Variants in KLF8 observed in about 807,000 individuals in gnomAD.
KLF8 encodes the protein Krueppel-like factor 8.
Under a neutral mutation model 18.2 loss-of-function variants are expected in KLF8, and 10 were observed. The observed-to-expected ratio is 0.55, with a 90% CI of 0.34 to 0.93. The LOEUF is 0.93. KLF8 is among the 40% of genes least tolerant of loss of function. The pLI is 0.02. For missense variants in KLF8, 264 were observed against 277.9 expected (o/e 0.95, Z 0.36); for synonymous variants, 109 against 97.3 (o/e 1.12, Z -0.71).
At chrX:56,141,833 G>T in the KLF8 span, among the ~76,000 whole-genome samples, 1 of 111,693 alleles carries the variant, frequency 9.0e-6, no homozygotes, top group Admixed American at 9.5e-5. Context: ...ATGACCAAAG[G>T]TCTCACTTGA....
intron 5 of KLF8, among the ~76,000 whole-genome samples, chrX:56,280,521 G>A (rs1485340428): frequency 1.8e-5 from 2 of 112,326 alleles, no homozygotes; most frequent in Non-Finnish European, 3.8e-5. Context: ...ATAGGCATGA[G>A]CCATTAATAT....
At chrX:56,136,319 A>G in the KLF8 span, among the ~76,000 whole-genome samples, 2 of 111,928 alleles carry the variant, frequency 1.8e-5, no homozygotes, top group East Asian at 5.6e-4. Context: ...CAAAAGAACA[A>G]AACTGGAGGC....
At chrX:55,929,578 C>G in the KLF8 span, among the ~76,000 whole-genome samples, 3 of 112,130 alleles carry the variant, frequency 2.7e-5, no homozygotes, top group African/African-American at 9.7e-5. Flanking sequence ...TTTCAGTTTT[C>G]TGAATATGGC....
chrX:56,245,329 T>G (rs2066608601), intron 1 of KLF8, among the ~76,000 whole-genome samples: 1 of 111,979 alleles, frequency 8.9e-6, no homozygotes, highest in Non-Finnish European at 1.9e-5. Flanking sequence ...TGTTTTCTTC[T>G]TAGCCAGCAC....
chrX:56,186,380 T>C, the KLF8 span, among the ~76,000 whole-genome samples: 1 of 111,635 alleles, frequency 9.0e-6, no homozygotes, highest in Non-Finnish European at 1.9e-5. Flanking sequence ...ATAAAGCAAG[T>C]CCTGAGTGAC....
At chrX:56,007,200 A>T in the KLF8 span, among the ~76,000 whole-genome samples, 8 of 111,597 alleles carry the variant, frequency 7.2e-5, no homozygotes, top group East Asian at 1.7e-3. Context: ...CAGTGTCATA[A>T]TGTTGCATTC....
the KLF8 span, among the ~76,000 whole-genome samples, chrX:56,107,382 G>A: frequency 2.9e-3 from 329 of 111,739 alleles, no homozygotes; most frequent in African/African-American, 0.01. Context: ...CACCCAGTTC[G>A]AGCTTCCTGG....
the KLF8 span, among the ~76,000 whole-genome samples, chrX:56,181,074 C>A: frequency 9.0e-6 from 1 of 110,911 alleles, no homozygotes; most frequent in Admixed American, 9.6e-5. Context: ...CTAAAGTCTC[C>A]CATTATTGTT....
chrX:56,001,259 A>T, the KLF8 span, among the ~76,000 whole-genome samples: 1 of 112,473 alleles, frequency 8.9e-6, no homozygotes, highest in East Asian at 2.8e-4. Flanking sequence ...TGTCCAGGAC[A>T]TCACAATCAT....
the KLF8 span, among the ~76,000 whole-genome samples, chrX:56,214,212 C>T: frequency 9.0e-6 from 1 of 111,443 alleles, no homozygotes; most frequent in Admixed American, 9.5e-5. Context: ...GAAAAGGCAA[C>T]ATTTGAGTGG....
At chrX:56,283,561 CGG>C (rs1229724156) in intron 5 of KLF8, among the ~76,000 whole-genome samples, 1 of 110,476 alleles carries the variant, frequency 9.1e-6, no homozygotes, top group Non-Finnish European at 1.9e-5. Flanking sequence ...TTAGTAGAGA[CGG>C]GGTTTCACCG....
chrX:56,190,340 A>G, the KLF8 span, among the ~76,000 whole-genome samples: 1 of 111,541 alleles, frequency 9.0e-6, no homozygotes, highest in Non-Finnish European at 1.9e-5. Flanking sequence ...AGCAATTATC[A>G]TTAGAGCTAA....
At chrX:56,260,607 T>G (rs1191017800) in intron 2 of KLF8, among the ~76,000 whole-genome samples, 7 of 111,568 alleles carry the variant, frequency 6.3e-5, no homozygotes, top group African/African-American at 2.3e-4. Flanking sequence ...TTTGTTAGAT[T>G]AAGTCTAGGT....
the KLF8 span, among the ~76,000 whole-genome samples, chrX:55,939,793 C>T: frequency 9.0e-6 from 1 of 111,726 alleles, no homozygotes; most frequent in Admixed American, 9.5e-5. Context: ...GGATAAATTC[C>T]TCGACACATA....
chrX:55,975,774 CT>C, the KLF8 span, among the ~76,000 whole-genome samples: 531 of 111,104 alleles, frequency 4.8e-3, 1 homozygote, highest in Middle Eastern at 0.014. Flanking sequence ...AAGGGAATGG[CT>C]GACTTTTTTA....
At chrX:56,221,148 G>GA in the KLF8 span, among the ~76,000 whole-genome samples, 2 of 111,850 alleles carry the variant, frequency 1.8e-5, no homozygotes, top group Non-Finnish European at 3.8e-5. Context: ...TCTAAAATGG[G>GA]AAAAAATAAT....
the KLF8 span, among the ~76,000 whole-genome samples, chrX:56,147,729 A>G: frequency 8.9e-6 from 1 of 112,391 alleles, no homozygotes; most frequent in Non-Finnish European, 1.9e-5. Flanking sequence ...CTGTAATCCC[A>G]GCACTTTGGG....
At chrX:56,064,336 T>C in the KLF8 span, among the ~76,000 whole-genome samples, 1 of 109,625 alleles carries the variant, frequency 9.1e-6, no homozygotes, top group Non-Finnish European at 1.9e-5. Context: ...GTACAGCTAC[T>C]CCTGCTTGCT....
At chrX:56,080,054 G>C in the KLF8 span, among the ~76,000 whole-genome samples, 1 of 111,115 alleles carries the variant, frequency 9.0e-6, no homozygotes, top group East Asian at 2.8e-4. Flanking sequence ...CTGCATGTGA[G>C]ATGGGTTTCC....
Sources: allele counts gnomAD v4.1 joint callset (sites outside exome capture counted in the v4.1 genomes callset), GRCh38; gene constraint gnomAD v4.1.1; transcripts MANE v1.5; gene names NCBI Gene and HGNC (gene_info 2026-07-23, HGNC 2026-07-21).